The following FBLN7 variants were observed in gnomAD, a reference collection of about 807,000 sequenced individuals.
The protein encoded by FBLN7 is fibulin-7.
FBLN7 carries 31 observed loss-of-function variants against 44.0 expected under a neutral mutation model. That is an observed-to-expected ratio of 0.70 (90% CI 0.53 to 0.95). The LOEUF is 0.95. Among genes scored for constraint, FBLN7 ranks in the 40% least tolerant of loss-of-function variants. The probability of loss-of-function intolerance (pLI) is 0.00; values close to 1 mark genes in which losing one functional copy is unlikely to be tolerated. For synonymous variants in FBLN7, 262 were observed against 253.4 expected, an observed-to-expected ratio of 1.03 and a Z score of -0.32; for missense variants, 573 against 618.5, an observed-to-expected ratio of 0.93 and a Z score of 0.78.
intron 1 of FBLN7, among the ~76,000 whole-genome samples, chr2:112,146,250 G>T (rs1433116802): frequency 6.6e-6 from 1 of 152,168 alleles, no homozygotes; most frequent in Non-Finnish European, 1.5e-5. Flanking sequence ...AACCCGGGAG[G>T]CAGAGATTGC....
At chr2:112,230,290 C>T in the FBLN7 span, among the ~76,000 whole-genome samples, 1 of 152,092 alleles carries the variant, frequency 6.6e-6, no homozygotes, top group African/African-American at 2.4e-5. Flanking sequence ...GGTATAACTA[C>T]TTGAGAAAAA....
the FBLN7 span, chr2:112,234,291 T>G: frequency 2.2e-6 from 3 of 1,334,742 alleles, no homozygotes. Flanking sequence ...TTAAATATTT[T>G]ATTCTGTTGC....
the FBLN7 span, among the ~76,000 whole-genome samples, chr2:112,206,821 C>T: frequency 6.6e-6 from 1 of 151,158 alleles, no homozygotes; most frequent in Non-Finnish European, 1.5e-5. Context: ...CAGCCTCAAC[C>T]TCTCAGGCTC....
At chr2:112,209,699 A>T in the FBLN7 span, among the ~76,000 whole-genome samples, 1 of 152,132 alleles carries the variant, frequency 6.6e-6, no homozygotes, top group Admixed American at 6.5e-5. Context: ...TCACAAAAGG[A>T]AGATGGAAAT....
rs1354235950 is a variant in FBLN7, at chr2:112,187,352, C to T, written c.1166C>T (p.Ser389Leu). 2 of 1,614,170 alleles carry T rather than the reference C, an allele frequency of 1.2e-6. No individual in the cohort carries two copies. Among genetic ancestry groups the T allele is most frequent in the South Asian group, 2.2e-5 (2 of 91,084 alleles). ...NSRGHFVMQRSDRQTGDLILV... is the reference protein window; with the variant it reads ...NSRGHFVMQRLDRQTGDLILV... Reference sequence around the variant, plus strand: ...CGCGGCCACTTTGTGATGCAGCGTTCAGACCGGCAGACTGGGGATCTGATC... The same window carrying T: ...CGCGGCCACTTTGTGATGCAGCGTTTAGACCGGCAGACTGGGGATCTGATC... The change falls in exon 8 of 8, where the codon TCA (serine) becomes TTA (leucine). Residue 389 changes from serine to leucine, a missense_variant. Physicochemically the swap from Ser to Leu is moderately radical, Grantham distance 145. Transcript: ENST00000331203. The surrounding 1 kb of genome is among the most constrained non-coding windows in gnomAD (Gnocchi z 5.1).
intron 7 of FBLN7, among the ~76,000 whole-genome samples, chr2:112,186,284 A>G (rs1573839850): frequency 6.6e-6 from 1 of 152,224 alleles, no homozygotes; most frequent in South Asian, 2.1e-4. Flanking sequence ...AGAAATATCG[A>G]AAGCATTTCC....
downstream of FBLN7, chr2:112,189,592 C>A (rs1156296901): frequency 6.6e-6 from 1 of 152,204 alleles, no homozygotes; most frequent in Non-Finnish European, 1.5e-5. Flanking sequence ...TTCATTTGCA[C>A]CCCTTTCCAG....
chr2:112,164,580 A>G (rs1682040708), intron 2 of FBLN7, among the ~76,000 whole-genome samples: 2 of 152,194 alleles, frequency 1.3e-5, no homozygotes, highest in African/African-American at 4.8e-5. Flanking sequence ...AGGAAAGAAC[A>G]TTCCAGGCAG....
At chr2:112,197,281 AGAGAG>A in the FBLN7 span, among the ~76,000 whole-genome samples, 6 of 90,090 alleles carry the variant, frequency 6.7e-5, no homozygotes, top group African/African-American at 2.7e-4. Context: ...ACACAGAGAG[AGAGAG>A]AGAGAGAGAG....
chr2:112,221,623 C>G, the FBLN7 span, among the ~76,000 whole-genome samples: 1 of 152,130 alleles, frequency 6.6e-6, no homozygotes, highest in Non-Finnish European at 1.5e-5. Context: ...TCTTCCAGCT[C>G]TGAGATTCCT....
the FBLN7 span, among the ~76,000 whole-genome samples, chr2:112,203,175 G>A: frequency 6.6e-6 from 1 of 152,174 alleles, no homozygotes; most frequent in African/African-American, 2.4e-5. Context: ...AGACCTGAAA[G>A]GGTCCTAAGT....
At chr2:112,228,250 C>T in the FBLN7 span, among the ~76,000 whole-genome samples, 1 of 152,120 alleles carries the variant, frequency 6.6e-6, no homozygotes, top group Non-Finnish European at 1.5e-5. Context: ...CCTTTGTAAT[C>T]CCAGAATTTG....
the FBLN7 span, among the ~76,000 whole-genome samples, chr2:112,232,638 T>A: frequency 6.6e-6 from 1 of 152,200 alleles, no homozygotes; most frequent in Non-Finnish European, 1.5e-5. Flanking sequence ...CCTTTGTACA[T>A]TAGACTTGTT....
downstream of FBLN7, chr2:112,188,437 A>G (rs1683373867): frequency 6.6e-6 from 1 of 152,236 alleles, no homozygotes; most frequent in African/African-American, 2.4e-5. Context: ...TTGAGTTGTC[A>G]TAGATTCCAT....
chr2:112,165,714 T>C (rs1682119872), intron 3 of FBLN7, among the ~76,000 whole-genome samples: 2 of 152,202 alleles, frequency 1.3e-5, no homozygotes, highest in Admixed American at 1.3e-4. Flanking sequence ...ACTCCTCAGG[T>C]GTCCTTTCTG....
chr2:112,200,236 A>AATTG, the FBLN7 span, among the ~76,000 whole-genome samples: 1 of 152,142 alleles, frequency 6.6e-6, no homozygotes, highest in African/African-American at 2.4e-5. Context: ...TGTATTAGGT[A>AATTG]ATTGGTGGCT....
At chr2:112,141,828 C>G (rs954201823) in intron 1 of FBLN7, among the ~76,000 whole-genome samples, 1 of 152,166 alleles carries the variant, frequency 6.6e-6, no homozygotes, top group Non-Finnish European at 1.5e-5. Flanking sequence ...TACCTAGAAA[C>G]CAGGTGAGAC....
chr2:112,210,655 CAAAAAAAAAAAA>C, the FBLN7 span, among the ~76,000 whole-genome samples: 5 of 69,730 alleles, frequency 7.2e-5, no homozygotes, highest in Non-Finnish European at 1.0e-4. Flanking sequence ...GACTCTGTCT[CAAAAAAAAAAAA>C]AAAAAAAAAA....
the FBLN7 span, among the ~76,000 whole-genome samples, chr2:112,243,806 C>T: frequency 6.6e-6 from 1 of 151,592 alleles, no homozygotes; most frequent in Admixed American, 6.6e-5. Flanking sequence ...CAGAACATAA[C>T]AAAAAAGCAA....
Sources: gnomAD v4.1 joint callset for allele counts (sites outside exome capture counted in the v4.1 genomes callset) on GRCh38, gnomAD v4.1.1 for gene constraint, Gnocchi (gnomAD v3.1) non-coding constraint, MANE v1.5 for transcripts, NCBI Gene and HGNC (gene_info 2026-07-23, HGNC 2026-07-21) for gene names.